NALF1: variants seen among roughly 807,000 people sequenced by gnomAD.
The protein encoded by NALF1 is family with sequence similarity 155 member A.
NALF1 carries 3 observed loss-of-function variants against 48.4 expected under a neutral mutation model. The ratio of observed to expected loss-of-function variants is 0.06; its 90% confidence interval spans 0.03 to 0.16. The LOEUF is 0.16. Among genes scored for constraint, NALF1 ranks in the 10% least tolerant of loss-of-function variants. The pLI is 1.00. For missense variants in NALF1, 526 were observed against 571.5 expected (o/e 0.92, Z 0.81); for synonymous variants, 262 against 245.7 (o/e 1.07, Z -0.62).
At chr13:107,693,335 G>A (rs796892928) in intron 1 of NALF1, among the ~76,000 whole-genome samples, 2 of 58,278 alleles carry the variant, frequency 3.4e-5, no homozygotes, top group East Asian at 1.1e-3. Flanking sequence ...GGGTAGGGGG[G>A]GCGGGAGGGA....
chr13:107,248,354 C>G (rs1344810787), intron 1 of NALF1, among the ~76,000 whole-genome samples: 3 of 151,982 alleles, frequency 2.0e-5, no homozygotes, highest in African/African-American at 7.2e-5. Flanking sequence ...AGGTTAGAAC[C>G]TATCATTCCT....
chr13:107,345,550 T>C (rs1174393676), intron 1 of NALF1, among the ~76,000 whole-genome samples: 2 of 152,108 alleles, frequency 1.3e-5, no homozygotes, highest in Non-Finnish European at 2.9e-5. Context: ...GTCTACACAA[T>C]ATGGAAAGAA....
intron 1 of NALF1, among the ~76,000 whole-genome samples, chr13:107,813,691 A>C (rs3848034): frequency 0.99 from 150,872 of 151,784 alleles, 74,996 homozygotes; most frequent in Middle Eastern, 1. Context: ...AAAAAAATTT[A>C]TATTCTGACA....
At chr13:107,364,777 G>A (rs1437187168) in intron 1 of NALF1, among the ~76,000 whole-genome samples, 7 of 66,106 alleles carry the variant, frequency 1.1e-4, no homozygotes, top group African/African-American at 2.5e-4. Context: ...CCCCAAGCTC[G>A]TAAGAGCCTG....
At chr13:107,838,860 C>T (rs984743854) in intron 1 of NALF1, among the ~76,000 whole-genome samples, 2 of 152,118 alleles carry the variant, frequency 1.3e-5, no homozygotes, top group African/African-American at 2.4e-5. Context: ...AGTCATTATA[C>T]GACAACAAAT....
chr13:107,535,978 A>C (rs1474677092), intron 1 of NALF1, among the ~76,000 whole-genome samples: 1 of 152,208 alleles, frequency 6.6e-6, no homozygotes, highest in Non-Finnish European at 1.5e-5. Context: ...AAATGGGGAA[A>C]GGATTCCTTA....
chr13:107,837,803 C>A (rs138652752), intron 1 of NALF1, among the ~76,000 whole-genome samples: 1 of 152,018 alleles, frequency 6.6e-6, no homozygotes, highest in African/African-American at 2.4e-5. Context: ...TGATACTTTA[C>A]CAGTTCTTTC....
intron 1 of NALF1, among the ~76,000 whole-genome samples, chr13:107,369,360 T>C (rs1237304255): frequency 1.3e-5 from 2 of 152,074 alleles, no homozygotes; most frequent in East Asian, 1.9e-4. Flanking sequence ...AATGAAAAAA[T>C]AGAATTGCCT....
chr13:107,498,759 G>A (rs1053911026), intron 1 of NALF1, among the ~76,000 whole-genome samples: 4 of 152,132 alleles, frequency 2.6e-5, no homozygotes, highest in Non-Finnish European at 5.9e-5. Flanking sequence ...TTGACAATGA[G>A]TTCAATGTTC....
At chr13:107,610,028 G>T (rs1330615779) in intron 1 of NALF1, among the ~76,000 whole-genome samples, 1 of 152,152 alleles carries the variant, frequency 6.6e-6, no homozygotes, top group African/African-American at 2.4e-5. Flanking sequence ...TAGAAGTGAT[G>T]AAATGAATAC....
intron 1 of NALF1, among the ~76,000 whole-genome samples, chr13:107,642,401 T>A (rs1450022906): frequency 6.6e-6 from 1 of 152,192 alleles, no homozygotes; most frequent in Non-Finnish European, 1.5e-5. Flanking sequence ...TGGCACTATA[T>A]AAGGCATTAT....
At chr13:107,298,472 G>A (rs764127491) in intron 1 of NALF1, among the ~76,000 whole-genome samples, 23 of 148,952 alleles carry the variant, frequency 1.5e-4, no homozygotes, top group Non-Finnish European at 3.0e-4. Context: ...TCACTCTGTC[G>A]CCAGGCTAGA....
At position 107,702,740 on chromosome 13, in the gene NALF1, C is replaced by CCA. The variant is rs138626395; in HGVS notation, c.915+162941_915+162942insTG. The stretch of plus-strand genomic sequence containing the variant: ...AGGCCCCAGTGTGCGTTTTTCCCCC[C>CCA]ATGTGTCCCTGTGTTCTCATCATTC... On this transcript the variant is annotated intron_variant, in intron 1 of 2. Coordinates refer to ENST00000375915, the MANE Select transcript of NALF1 (RefSeq NM_001080396.3). Among the ~76,000 whole-genome samples, 928 of 152,214 alleles carry CCA rather than the reference C, an allele frequency of 6.1e-3. 6 individuals carry two copies. The highest frequency in any genetic ancestry group is 0.021 in the African/African-American group (888 of 41,530).
chr13:107,647,515 T>C (rs1181602896), intron 1 of NALF1, among the ~76,000 whole-genome samples: 1 of 151,806 alleles, frequency 6.6e-6, no homozygotes, highest in Non-Finnish European at 1.5e-5. Context: ...ATAGATTGTT[T>C]CTACAAAGGC....
intron 1 of NALF1, among the ~76,000 whole-genome samples, chr13:107,396,882 C>T (rs977370704): frequency 1.3e-5 from 2 of 152,170 alleles, no homozygotes; most frequent in South Asian, 4.1e-4. Flanking sequence ...TAATACTTGG[C>T]TGATTAGTAT....
chr13:107,401,278 A>C (rs1883801938), intron 1 of NALF1, among the ~76,000 whole-genome samples: 1 of 152,094 alleles, frequency 6.6e-6, no homozygotes, highest in African/African-American at 2.4e-5. Flanking sequence ...TCTGATTGAA[A>C]AATGCTAATA....
At position 107,759,962 on chromosome 13, in the gene NALF1, A is replaced by G. The variant is rs1036819727; in HGVS notation, c.915+105720T>C. The stretch of plus-strand genomic sequence containing the variant: ...TATGATAACTTTTTTGTCACATTCA[A>G]CATTCAACAGTGTGAAATATCTATC... On this transcript the variant is annotated intron_variant, in intron 1 of 2. Transcript: ENST00000375915. Among the ~76,000 whole-genome samples, 17 of 152,260 alleles carry G rather than the reference A, an allele frequency of 1.1e-4. No individual in the cohort carries two copies. The East Asian group carries it at 3.1e-3, about 28-fold the overall frequency.
At chr13:107,327,277 G>C (rs1882382662) in intron 1 of NALF1, among the ~76,000 whole-genome samples, 1 of 152,016 alleles carries the variant, frequency 6.6e-6, no homozygotes, top group African/African-American at 2.4e-5. Flanking sequence ...GCTATAGCTA[G>C]CCTGGCCTCT....
intron 1 of NALF1, among the ~76,000 whole-genome samples, chr13:107,838,711 C>A (rs1475667769): frequency 6.6e-6 from 1 of 152,120 alleles, no homozygotes; most frequent in African/African-American, 2.4e-5. Flanking sequence ...CCACCCTAGT[C>A]TTTCCCTCCA....
Sources: allele counts gnomAD v4.1 joint callset (sites outside exome capture counted in the v4.1 genomes callset), GRCh38; gene constraint gnomAD v4.1.1; transcripts MANE v1.5; gene names NCBI Gene and HGNC (gene_info 2026-07-23, HGNC 2026-07-21).